Variants in DZANK1 observed in about 807,000 individuals in gnomAD.
The protein encoded by DZANK1 is double zinc ribbon and ankyrin repeat-containing protein 1.
A neutral mutation model predicts 94.5 loss-of-function variants in DZANK1; 91 were observed. The ratio of observed to expected loss-of-function variants is 0.96; its 90% CI spans 0.81 to 1.15. The LOEUF is 1.15. DZANK1 is among the 50% of genes most tolerant of loss of function. The pLI, the probability that DZANK1 is intolerant of heterozygous loss-of-function variation, is 0.00. For missense variants in DZANK1, 903 were observed against 916.4 expected (o/e 0.99, Z 0.19); for synonymous variants, 312 against 325.3 (o/e 0.96, Z 0.44).
intron 13 of DZANK1, among the ~76,000 whole-genome samples, chr20:18,411,094 GAGGAA>G (rs2057234585): frequency 6.6e-6 from 1 of 152,108 alleles, no homozygotes; most frequent in African/African-American, 2.4e-5. Context: ...GACCTTAAAC[GAGGAA>G]AAGAAGAGCA....
chr20:18,459,621 T>C (rs140078961), intron 3 of DZANK1, among the ~76,000 whole-genome samples: 18 of 152,154 alleles, frequency 1.2e-4, no homozygotes, highest in African/African-American at 4.3e-4. Context: ...CCAAATTAAA[T>C]AGTGTTTCTA....
intron 13 of DZANK1, among the ~76,000 whole-genome samples, chr20:18,399,373 G>T (rs2056541646): frequency 6.6e-6 from 1 of 151,984 alleles, no homozygotes. Flanking sequence ...GGAAATTCAA[G>T]CACGCACCAC....
chr20:18,451,032 G>A (rs1014734251), intron 6 of DZANK1, among the ~76,000 whole-genome samples: 6 of 152,008 alleles, frequency 3.9e-5, no homozygotes, highest in South Asian at 2.1e-4. Flanking sequence ...TGCAACCTCC[G>A]CCTCCCCAGT....
At chr20:18,465,148 G>T in intron 2 of DZANK1, 102 bp downstream of exon 2, 1 of 760,490 alleles carries the variant, frequency 1.3e-6, no homozygotes, top group South Asian at 1.9e-5. Flanking sequence ...AAAAAGCTGA[G>T]CAAAGAGTGA....
chr20:18,385,099 G>C lies in DZANK1; in HGVS notation c.2019-9C>G. 6.4e-7 allele frequency: 1 copy of C among 1,552,160 alleles called. No homozygotes were observed. Among genetic ancestry groups the C allele is most frequent in the Non-Finnish European group, 8.7e-7 (1 of 1,147,332 alleles). On this transcript the variant is annotated splice_polypyrimidine_tract_variant and intron_variant, in intron 19 of 20. Transcript: ENST00000262547. ...GAGCTGTATTTCTGAGCCTAATGAG[G>C]GGGGAAAAATCCTGGATAAATCCTT...
At chr20:18,400,393 TCTGCTCCC>T (rs1308270639) in intron 13 of DZANK1, among the ~76,000 whole-genome samples, 4 of 152,304 alleles carry the variant, frequency 2.6e-5, no homozygotes, top group Middle Eastern at 3.4e-3. Context: ...AGCTAGGGGA[TCTGCTCCC>T]CGGCTCCCTT....
intron 2 of DZANK1, among the ~76,000 whole-genome samples, chr20:18,464,069 TTTTC>T (rs1019743023): frequency 6.6e-6 from 1 of 151,872 alleles, no homozygotes; most frequent in African/African-American, 2.4e-5. Flanking sequence ...TTTATTTCTT[TTTTC>T]TTTTTCTTTT....
rs558204278 is a variant in DZANK1 at position 18,410,687 on chromosome 20, C to T, written c.1432+1959G>A. On this transcript the variant is annotated intron_variant, in intron 13 of 20. Transcript: ENST00000262547. ...TGGTGCTGGACACAGGGGCTTATGCCTGTAATCCTAGCACTCTGGAAGGCT... is the reference window on the plus strand; with the variant it reads ...TGGTGCTGGACACAGGGGCTTATGCTTGTAATCCTAGCACTCTGGAAGGCT... Among the ~76,000 whole-genome samples, 7 of 152,290 alleles carry T rather than the reference C, an allele frequency of 4.6e-5. No individual in the cohort carries two copies. In the South Asian group the frequency reaches 1.2e-3, roughly 27 times the overall value.
intron 8 of DZANK1, 23 bp downstream of exon 8, chr20:18,443,324 T>C: frequency 6.9e-7 from 1 of 1,446,928 alleles, no homozygotes; most frequent in East Asian, 2.5e-5. Context: ...ATGAAAGATG[T>C]TTTTAAGAAT....
At chr20:18,434,871 G>A (rs1393875516) in intron 8 of DZANK1, among the ~76,000 whole-genome samples, 2 of 152,140 alleles carry the variant, frequency 1.3e-5, no homozygotes, top group African/African-American at 4.8e-5. Flanking sequence ...GAAGACCAGT[G>A]GTCCCCTAGT....
At chr20:18,423,890 C>A (rs2057908385) in intron 10 of DZANK1, among the ~76,000 whole-genome samples, 1 of 149,704 alleles carries the variant, frequency 6.7e-6, no homozygotes, top group African/African-American at 2.4e-5. Flanking sequence ...AAAAGAAAAT[C>A]AGATTAAACC....
exon 21 of DZANK1, chr20:18,384,358 A>T: frequency 1.9e-6 from 3 of 1,568,652 alleles, no homozygotes; most frequent in Non-Finnish European, 2.6e-6. Flanking sequence ...TGTGCCAGCC[A>T]TGCACGTATT....
At chr20:18,457,087 A>C (rs2059317442) in intron 3 of DZANK1, among the ~76,000 whole-genome samples, 1 of 151,938 alleles carries the variant, frequency 6.6e-6, no homozygotes, top group Non-Finnish European at 1.5e-5. Context: ...GATGACCTGT[A>C]CTCTTGATCA....
chr20:18,439,947 T>A (rs553188919), intron 8 of DZANK1, among the ~76,000 whole-genome samples: 1 of 152,124 alleles, frequency 6.6e-6, no homozygotes, highest in Non-Finnish European at 1.5e-5. Context: ...TATTTGGAGA[T>A]AGGTCCTTTA....
In DZANK1 at chr20:18,438,218, C is replaced by CAAA. The variant is rs761846698; in HGVS notation, c.748-4456_748-4454dup. ...TGGGTGACAGAGTGAGACTCTGTCTCAAAAAAAAAAAAAAAAAAAAAGAAA... is the reference window on the plus strand; with the variant it reads ...TGGGTGACAGAGTGAGACTCTGTCTCAAAAAAAAAAAAAAAAAAAAAAAAGAAA... On this transcript the variant is annotated intron_variant, in intron 8 of 20. Coordinates refer to ENST00000262547, the Ensembl canonical transcript of DZANK1. Among the ~76,000 whole-genome samples the CAAA allele has an allele frequency of 7.8e-3, 445 of 57,266 alleles. 18 individuals carry two copies. The highest frequency in any genetic ancestry group is 0.018 in the African/African-American group (253 of 13,800). The allele number at this position is 57,266 out of a possible 152,430, so 37.6% of individuals were successfully genotyped here.
At chr20:18,453,688 G>A (rs2059184856) in intron 5 of DZANK1, 43 bp downstream of exon 5, 1 of 1,397,174 alleles carries the variant, frequency 7.2e-7, no homozygotes, top group Non-Finnish European at 1.0e-6. Flanking sequence ...CTCTTCGGTG[G>A]GTTCAGAATA....
intron 14 of DZANK1, 62 bp downstream of exon 14, chr20:18,398,461 T>G: frequency 2.0e-6 from 3 of 1,494,196 alleles, no homozygotes; most frequent in Non-Finnish European, 2.8e-6. Context: ...GCAAAGTCCA[T>G]GGAGGGTTCC....
intron 8 of DZANK1, among the ~76,000 whole-genome samples, chr20:18,438,136 G>A (rs1009083891): frequency 2.1e-5 from 3 of 146,272 alleles, no homozygotes; most frequent in Non-Finnish European, 3.0e-5. Context: ...GGAGAATGGC[G>A]TGAACCTGGG....
At chr20:18,400,904 G>A (rs1321299989) in intron 13 of DZANK1, among the ~76,000 whole-genome samples, 1 of 152,032 alleles carries the variant, frequency 6.6e-6, no homozygotes, top group Non-Finnish European at 1.5e-5. Context: ...TTTAAAATGA[G>A]GTTCTGACTG....
Sources: allele counts gnomAD v4.1 joint callset (sites outside exome capture counted in the v4.1 genomes callset), GRCh38; gene constraint gnomAD v4.1.1; transcripts MANE v1.5; gene names NCBI Gene and HGNC (gene_info 2026-07-23, HGNC 2026-07-21).